The following OR2A12 variants were observed in gnomAD, a reference collection of about 807,000 sequenced individuals.
OR2A12 encodes the protein olfactory receptor family 2 subfamily A member 12, also known as olfactory receptor 2A12.
For missense variants in OR2A12, 380 were observed against 372.5 expected (o/e 1.02, Z -0.17); for synonymous variants, 153 against 149.3 (o/e 1.02, Z -0.18).
Position 144,096,169 on chromosome 7 carries a change from A to G in OR2A12, c.*129A>G. The G allele has an allele frequency of 1.3e-6, 1 of 750,624 alleles. No homozygotes were observed. Among genetic ancestry groups the G allele is most frequent in the Non-Finnish European group, 2.1e-6 (1 of 469,912 alleles). The allele number at this position is 750,624 out of a possible 1,614,324, so 46.5% of individuals were successfully genotyped here. ...TCTTTAGACTTCTTATAAAAAGAGA[A>G]ACTGGCCTGGCGTGGTGGCTGAAGC... On this transcript the variant is annotated 3_prime_UTR_variant, in exon 2 of 2. Transcript: ENST00000641592.
At chr7:144,091,139 C>A (rs1046910811) in intron 1 of OR2A12, among the ~76,000 whole-genome samples, 1 of 152,246 alleles carries the variant, frequency 6.6e-6, no homozygotes, top group African/African-American at 2.4e-5. Context: ...GCCTGTAATC[C>A]CAGCATTTTG....
Position 144,095,949 on chromosome 7 carries a change from A to G in OR2A12, c.842A>G (p.Asn281Ser). Residue 281 changes from asparagine (N) to serine (S), a missense_variant, in exon 2 of 2, where the codon AAC (asparagine) becomes AGC (serine). Transcript: ENST00000641592. ...KILSLFYSLF[N>S]PILNPLIYSL... ...CTTTCCCTGTTTTACAGCCTTTTCAACCCGATCCTGAACCCCCTCATCTAC... is the reference window on the plus strand; with the variant it reads ...CTTTCCCTGTTTTACAGCCTTTTCAGCCCGATCCTGAACCCCCTCATCTAC... The G allele has an allele frequency of 1.2e-6, 2 of 1,613,934 alleles. No homozygotes were observed. Among genetic ancestry groups the G allele is most frequent in the Non-Finnish European group, 1.7e-6 (2 of 1,179,986 alleles).
Position 144,095,160 on chromosome 7 carries a change from T to C in OR2A12, c.53T>C (p.Val18Ala), listed in dbSNP as rs765339307. Residue 18 changes from valine to alanine, a missense_variant, in exon 2 of 2, where the codon GTG becomes GCG. Physicochemically the swap from Val to Ala is moderately conservative, Grantham distance 64. Transcript: ENST00000641592. ...ITEVILLGFQVDPALELFLFG... is the reference protein window; with the variant it reads ...ITEVILLGFQADPALELFLFG... ...GAAGTCATCCTGTTGGGATTCCAGG[T>C]GGACCCAGCTCTGGAGTTGTTCCTC... 2.9e-5 allele frequency: 46 copies of C among 1,613,660 alleles called. No homozygotes were observed. Among genetic ancestry groups the C allele is most frequent in the Non-Finnish European group, 3.7e-5 (44 of 1,179,834 alleles).
At chr7:144,091,925 A>G (rs1212569245) in intron 1 of OR2A12, among the ~76,000 whole-genome samples, 2 of 151,916 alleles carry the variant, frequency 1.3e-5, no homozygotes, top group Non-Finnish European at 2.9e-5. Context: ...ATTTCTGTCC[A>G]TTTCTATGTC....
rs896517018 is a variant in OR2A12, at chr7:144,097,870, A to G, written c.*1830A>G. On this transcript the variant is annotated 3_prime_UTR_variant, in exon 2 of 2. Coordinates refer to ENST00000641592, the MANE Select transcript of OR2A12 (RefSeq NM_001004135.2). ...TTTAAGTGTCAAAGGCAGAACTCTA[A>G]AGCTTTTAGAAGATATACAAGAGAA... 7 of 152,334 alleles carry G rather than the reference A, an allele frequency of 4.6e-5. No homozygotes were observed. Among genetic ancestry groups the G allele is most frequent in the East Asian group, 3.9e-4 (2 of 5,194 alleles). 9.4% of individuals were successfully genotyped at this position (152,334 alleles called of 1,614,324 possible).
At chr7:144,087,147 T>A (rs1161638619) in intron 1 of OR2A12, among the ~76,000 whole-genome samples, 1 of 152,210 alleles carries the variant, frequency 6.6e-6, no homozygotes, top group Non-Finnish European at 1.5e-5. Context: ...TTACATAGTT[T>A]TTCCTGTGAT....
intron 1 of OR2A12, among the ~76,000 whole-genome samples, chr7:144,092,289 G>A (rs567619885): frequency 1.3e-5 from 2 of 152,196 alleles, no homozygotes; most frequent in African/African-American, 4.8e-5. Flanking sequence ...ATAGCATGAT[G>A]CCTCCAGCTG....
chr7:144,090,231 T>G (rs907040668), intron 1 of OR2A12, among the ~76,000 whole-genome samples: 1 of 151,938 alleles, frequency 6.6e-6, no homozygotes, highest in African/African-American at 2.4e-5. Context: ...CTCTTACTAC[T>G]AGAAAAATTA....
intron 1 of OR2A12, among the ~76,000 whole-genome samples, chr7:144,093,599 G>T (rs2051240994): frequency 6.6e-6 from 1 of 151,090 alleles, no homozygotes; most frequent in Admixed American, 6.6e-5. Context: ...TTTACATTAG[G>T]TATATCTCCT....
chr7:144,090,629 C>T (rs1347103694), intron 1 of OR2A12, among the ~76,000 whole-genome samples: 1 of 152,136 alleles, frequency 6.6e-6, no homozygotes, highest in African/African-American at 2.4e-5. Context: ...TTTCATCACT[C>T]AGGTATTAAG....
At chr7:144,089,435 G>C (rs943382281) in intron 1 of OR2A12, among the ~76,000 whole-genome samples, 3 of 151,556 alleles carry the variant, frequency 2.0e-5, no homozygotes, top group African/African-American at 7.3e-5. Context: ...TTTGTAACTC[G>C]ATTTTCTGTT....
Position 144,096,400 on chromosome 7 carries a change from T to C in OR2A12, c.*360T>C, listed in dbSNP as rs2051265145. ...TGAACCCAGGAGGCGGAGGTTGCAC[T>C]GAGCCGAGATTGTACCACTGCACTC... On this transcript the variant is annotated 3_prime_UTR_variant, in exon 2 of 2. Transcript: ENST00000641592. The C allele has an allele frequency of 1.2e-5, 2 of 170,292 alleles. No individual in the cohort carries two copies. The highest frequency in any genetic ancestry group is 2.6e-5 in the Non-Finnish European group (2 of 77,948). 10.5% of individuals were successfully genotyped at this position (170,292 alleles called of 1,614,324 possible). A position where few individuals can be genotyped will look rare whatever the true frequency, so the allele number is the denominator to read the frequency against.
intron 1 of OR2A12, among the ~76,000 whole-genome samples, chr7:144,092,025 T>C (rs1466708048): frequency 6.6e-6 from 1 of 152,204 alleles, no homozygotes; most frequent in Non-Finnish European, 1.5e-5. Context: ...AGTTGATCTT[T>C]GCATATGGTG....
In OR2A12 at chr7:144,096,069, A is replaced by G. The variant is rs34470072; in HGVS notation, c.*29A>G. ...ATCATTTGAGATATCCTGAGTGTGT[A>G]AGCATGGTTCTCATGACCCTGGGTC... is the stretch of plus-strand genomic sequence containing the variant. On this transcript the variant is annotated 3_prime_UTR_variant, in exon 2 of 2. Transcript: ENST00000641592. 0.18 allele frequency: 274,228 copies of G among 1,493,856 alleles called. 27,878 individuals carry two copies. Among genetic ancestry groups the G allele is most frequent in the African/African-American group, 0.24 (16,928 of 71,292 alleles). The allele number at this position is 1,493,856 out of a possible 1,614,324, so 92.5% of individuals were successfully genotyped here.
chr7:144,095,191 GT>G lies in OR2A12; in HGVS notation c.89del (p.Phe30SerfsTer7). The G allele has an allele frequency of 6.2e-7, 1 of 1,614,042 alleles. No individual in the cohort carries two copies. Among genetic ancestry groups the G allele is most frequent in the Non-Finnish European group, 8.5e-7 (1 of 1,179,978 alleles). ...CAGCTCTGGAGTTGTTCCTCTTTGGGTTTTTCTTGCTATTCTACAGCTTAAC... is the reference window on the plus strand; with the variant it reads ...CAGCTCTGGAGTTGTTCCTCTTTGGGTTTTCTTGCTATTCTACAGCTTAAC... Reference protein sequence around the residue: ...DPALELFLFGFFLLFYSLTLM... With the variant: ...DPALELFLFGXFLLFYSLTLM... On this transcript the variant is annotated frameshift_variant, in exon 2 of 2. Transcript: ENST00000641592. LOFTEE classifies it low-confidence loss of function (END_TRUNC).
chr7:144,087,279 G>A (rs1397166482), intron 1 of OR2A12, among the ~76,000 whole-genome samples: 1 of 152,092 alleles, frequency 6.6e-6, no homozygotes, highest in Non-Finnish European at 1.5e-5. Flanking sequence ...TCAGGTGCCA[G>A]GGGAAAGTCC....
chr7:144,088,816 C>T (rs1292474256), intron 1 of OR2A12, among the ~76,000 whole-genome samples: 1 of 152,066 alleles, frequency 6.6e-6, no homozygotes, highest in Non-Finnish European at 1.5e-5. Context: ...AATTCTTATG[C>T]TTCTTACTCT....
intron 1 of OR2A12, among the ~76,000 whole-genome samples, chr7:144,089,646 A>G (rs572162917): frequency 1.3e-5 from 2 of 152,176 alleles, no homozygotes; most frequent in East Asian, 1.9e-4. Flanking sequence ...TTTGGAAACC[A>G]CATATTTTGT....
chr7:144,095,333 A>G lies in OR2A12; in HGVS notation c.226A>G (p.Thr76Ala), dbSNP rs758167131. ...TGTGGACATGTCCTATGCCTCGAGT[A>G]CTGTCCCTAAGATGCTAGCAAATCT... is the stretch of plus-strand genomic sequence containing the variant. ...AIVDMSYASSTVPKMLANLVM... is the reference protein window; with the variant it reads ...AIVDMSYASSAVPKMLANLVM... Residue 76 changes from threonine (T) to alanine (A), a missense_variant, in exon 2 of 2, where the codon ACT becomes GCT. By Grantham distance (58) the Thr-to-Ala change is moderately conservative (BLOSUM62 0). Coordinates refer to ENST00000641592, the MANE Select transcript of OR2A12 (RefSeq NM_001004135.2). The G allele has an allele frequency of 2.2e-5, 35 of 1,613,680 alleles. No individual in the cohort carries two copies. In the East Asian group the frequency reaches 6.2e-4, roughly 29 times the overall value.
Sources: allele counts gnomAD v4.1 joint callset (sites outside exome capture counted in the v4.1 genomes callset), GRCh38; gene constraint gnomAD v4.1.1; transcripts MANE v1.5; gene names NCBI Gene and HGNC (gene_info 2026-07-23, HGNC 2026-07-21).